The following MTSS1 variants were observed in gnomAD, a reference collection of about 807,000 sequenced individuals.
The protein encoded by MTSS1 is MTSS I-BAR domain containing 1, also known as protein MTSS 1.
A neutral mutation model predicts 79.0 loss-of-function variants in MTSS1; 18 were observed. The ratio of observed to expected loss-of-function variants is 0.23; its 90% CI spans 0.16 to 0.34. MTSS1 has a LOEUF of 0.34. MTSS1 is among the 10% of genes least tolerant of loss of function. MTSS1 has a pLI of 1.00. For missense variants in MTSS1, 815 were observed against 986.2 expected, an observed-to-expected ratio of 0.83 and a Z score of 2.33; for synonymous variants, 341 against 368.6, an observed-to-expected ratio of 0.93 and a Z score of 0.86.
At chr8:124,673,386 A>C (rs76347293) in intron 3 of MTSS1, 1 of 90,050 alleles carries the variant, frequency 1.1e-5, no homozygotes, top group Non-Finnish European at 2.4e-5. Context: ...CTGTCTCACA[A>C]AAAAAAAAAA....
chr8:124,717,897 C>T (rs1362748327), intron 1 of MTSS1, among the ~76,000 whole-genome samples: 1 of 152,132 alleles, frequency 6.6e-6, no homozygotes, highest in East Asian at 1.9e-4. Flanking sequence ...CACTTAGAAC[C>T]TGGTACTAGT....
At chr8:124,605,596 T>C in intron 3 of MTSS1, among the ~76,000 whole-genome samples, 2 of 135,918 alleles carry the variant, frequency 1.5e-5, no homozygotes, top group Admixed American at 1.4e-4. Flanking sequence ...TCTCGCTGCC[T>C]CCCTCCCTGC....
At chr8:124,657,475 CAA>C (rs58258455) in intron 3 of MTSS1, among the ~76,000 whole-genome samples, 65 of 106,890 alleles carry the variant, frequency 6.1e-4, no homozygotes, top group Admixed American at 9.9e-4. Context: ...GCAGAGTCAG[CAA>C]AAAAAAAAAA....
At chr8:124,707,397 A>C (rs1224397492) in intron 1 of MTSS1, among the ~76,000 whole-genome samples, 1 of 6,444 alleles carries the variant, frequency 1.6e-4, no homozygotes, top group Non-Finnish European at 3.7e-4. Flanking sequence ...AAATACAAAA[A>C]AAAAAACAAA....
intron 3 of MTSS1, among the ~76,000 whole-genome samples, chr8:124,677,487 C>T (rs1432165232): frequency 6.6e-6 from 1 of 152,174 alleles, no homozygotes; most frequent in Non-Finnish European, 1.5e-5. Flanking sequence ...TTTAGGGATG[C>T]ACTCTTACAT....
intron 2 of MTSS1, among the ~76,000 whole-genome samples, chr8:124,702,959 C>T (rs145186827): frequency 8.0e-4 from 122 of 152,250 alleles, no homozygotes; most frequent in African/African-American, 2.7e-3. Context: ...TGAACAAGCA[C>T]GAGACTAGGC....
chr8:124,688,352 TGTGTGTTGTAC>T (rs1400563308), intron 3 of MTSS1, among the ~76,000 whole-genome samples: 3 of 151,416 alleles, frequency 2.0e-5, no homozygotes, highest in Non-Finnish European at 2.9e-5. Context: ...GTGTGTTGTG[TGTGTGTTGTAC>T]GTGTGTACAT....
At chr8:124,594,934 G>T (rs932245088) in intron 3 of MTSS1, among the ~76,000 whole-genome samples, 2 of 152,202 alleles carry the variant, frequency 1.3e-5, no homozygotes, top group Non-Finnish European at 2.9e-5. Context: ...AAGACATCTG[G>T]AAGAGCTCCC....
intron 7 of MTSS1, chr8:124,567,685 C>T: frequency 6.9e-7 from 1 of 1,459,702 alleles, no homozygotes; most frequent in South Asian, 1.4e-5. Context: ...AGCTGGGGAC[C>T]ATGGAAGAAA....
chr8:124,692,976 G>A (rs1828206034), intron 3 of MTSS1, among the ~76,000 whole-genome samples: 1 of 152,056 alleles, frequency 6.6e-6, no homozygotes, highest in Non-Finnish European at 1.5e-5. Context: ...ACAGCTAGGG[G>A]AATCCTCTGA....
At chr8:124,604,862 AC>A (rs11316549) in intron 3 of MTSS1, among the ~76,000 whole-genome samples, 152,330 of 152,330 alleles carry the variant, frequency 1, 76,165 homozygotes, top group Non-Finnish European at 1. Context: ...AGGAAACAAA[AC>A]CCACACACAA....
At position 124,555,786 on chromosome 8, in the gene MTSS1, T is replaced by C; in HGVS notation, c.1523A>G (p.Gln508Arg). ...CTCAGAGCAGCAGGGGGTGGTTGTC[T>C]GGGTGCTGTAGCCGCTGGAGCACTG... ...SLQCSSGYST[Q>R]TTTPCCSEDT... Residue 508 changes from glutamine (Q) to arginine (R), a missense_variant, in exon 13 of 14, where the codon CAG becomes CGG. Physicochemically the swap from Gln to Arg is conservative, Grantham distance 43 (BLOSUM62 1). Transcript: ENST00000518547. 1.2e-6 allele frequency: 2 copies of C among 1,613,432 alleles called. No individual in the cohort carries two copies. The highest frequency in any genetic ancestry group is 2.7e-5 in the African/African-American group (2 of 75,060).
At chr8:124,590,620 G>A (rs921539703) in intron 4 of MTSS1, among the ~76,000 whole-genome samples, 1 of 152,180 alleles carries the variant, frequency 6.6e-6, no homozygotes, top group Non-Finnish European at 1.5e-5. Context: ...TGATCTGCTT[G>A]GAAAGCAATG....
chr8:124,562,891 T>C lies in MTSS1; in HGVS notation c.926A>G (p.Gln309Arg). The C allele has an allele frequency of 6.2e-7, 1 of 1,614,088 alleles. No individual in the cohort carries two copies. The highest frequency in any genetic ancestry group is 8.5e-7 in the Non-Finnish European group (1 of 1,179,990). Residue 309 changes from glutamine to arginine, a missense_variant, in exon 10 of 14, where the codon CAG (glutamine) becomes CGG (arginine). Around this residue, in one of 2 missense-constraint regions of MTSS1, gnomAD observed 590 missense variants for 620.8 expected, o/e 0.95. Coordinates refer to ENST00000518547, the MANE Select transcript of MTSS1 (RefSeq NM_014751.6). ...YRYRSSNLAQ[Q>R]APVRLSSVSS... The stretch of plus-strand genomic sequence containing the variant: ...CACGCTGGACAGCCTCACAGGAGCC[T>C]GCTGGGCCAGGTTGGAGCTGCGGTA...
intron 3 of MTSS1, among the ~76,000 whole-genome samples, chr8:124,626,604 G>A (rs1194540543): frequency 6.6e-6 from 1 of 152,102 alleles, no homozygotes; most frequent in Non-Finnish European, 1.5e-5. Context: ...GTGGGATGAG[G>A]ATCTAGTAAG....
Position 124,552,228 on chromosome 8 carries a change from G to A in MTSS1, c.*764C>T, listed in dbSNP as rs1822627387. 1 of 152,728 alleles carries A rather than the reference G, an allele frequency of 6.5e-6. No homozygotes were observed. The highest frequency in any genetic ancestry group is 2.4e-5 in the African/African-American group (1 of 41,446). 9.5% of individuals were successfully genotyped at this position (152,728 alleles called of 1,614,324 possible). A position where few individuals can be genotyped will look rare whatever the true frequency, so the allele number is the denominator to read the frequency against. On this transcript the variant is annotated 3_prime_UTR_variant, in exon 14 of 14. Coordinates refer to ENST00000518547, the MANE Select transcript of MTSS1 (RefSeq NM_014751.6). ...TGTGCAGTCCAGAGGAATCATGGGAGAAAGGAAGTCAAGTCCTTAAACACC... is the reference window on the plus strand; with the variant it reads ...TGTGCAGTCCAGAGGAATCATGGGAAAAAGGAAGTCAAGTCCTTAAACACC...
chr8:124,553,258 G>A lies in MTSS1; in HGVS notation c.2002C>T (p.Gln668Ter). Residue 668 changes from glutamine (Q) to a stop codon, truncating the protein, a stop_gained, in exon 14 of 14, where the codon CAA (glutamine) becomes TAA (stop). Transcript: ENST00000518547. LOFTEE classifies it high-confidence loss of function. This position sits in a 1 kb window ranked among gnomAD's most constrained non-coding sequence, Gnocchi z 6.0. ...TSMPSSMWSG[Q>*]ASVNPPLPGP... Reference sequence around the variant, plus strand: ...GGAAGTGGAGGGTTAACGGAAGCTTGGCCGCTCCACATTGAGGAGGGCATG... The same window carrying A: ...GGAAGTGGAGGGTTAACGGAAGCTTAGCCGCTCCACATTGAGGAGGGCATG... The A allele has an allele frequency of 6.2e-7, 1 of 1,614,158 alleles. No individual in the cohort carries two copies. The highest frequency in any genetic ancestry group is 8.5e-7 in the Non-Finnish European group (1 of 1,180,030).
intron 5 of MTSS1, among the ~76,000 whole-genome samples, chr8:124,587,053 G>A (rs1263948084): frequency 6.6e-6 from 1 of 152,322 alleles, no homozygotes; most frequent in Admixed American, 6.5e-5. Context: ...AGAGTAGAAG[G>A]AGGCTCCTGC....
At chr8:124,626,023 G>A (rs1814593221) in intron 3 of MTSS1, among the ~76,000 whole-genome samples, 1 of 152,202 alleles carries the variant, frequency 6.6e-6, no homozygotes, top group South Asian at 2.1e-4. Context: ...AGAGTCTGAT[G>A]AAGACTGAAA....
Sources: gnomAD v4.1 joint callset for allele counts (sites outside exome capture counted in the v4.1 genomes callset) on GRCh38, gnomAD v4.1.1 for gene constraint, gnomAD v4.1.1 regional missense constraint, Gnocchi (gnomAD v3.1) non-coding constraint, MANE v1.5 for transcripts, NCBI Gene and HGNC (gene_info 2026-07-23, HGNC 2026-07-21) for gene names.